CCDC97: variants seen among roughly 807,000 people sequenced by gnomAD.
CCDC97 encodes coiled-coil domain-containing protein 97.
In CCDC97, 27 loss-of-function variants were observed where a neutral mutation model predicts 33.9. The ratio of observed to expected loss-of-function variants is 0.80; its 90% CI spans 0.59 to 1.10. The LOEUF is 1.10. CCDC97 is among the 50% of genes least tolerant of loss of function. The pLI, the probability that CCDC97 is intolerant of heterozygous loss-of-function variation, is 0.00. For missense variants in CCDC97, 422 were observed against 476.6 expected (o/e 0.89, Z 1.07); for synonymous variants, 217 against 194.0 (o/e 1.12, Z -0.99).
chr19:41,321,924 C>T (rs774072732), intron 4 of CCDC97, among the ~76,000 whole-genome samples: 3 of 152,192 alleles, frequency 2.0e-5, no homozygotes, highest in African/African-American at 7.2e-5. Flanking sequence ...TCTGGCTAAT[C>T]CCGGCCTCTA....
intron 2 of CCDC97, 146 bp downstream of exon 2, chr19:41,316,985 C>T: frequency 1.5e-6 from 1 of 657,716 alleles, no homozygotes. Context: ...CAGGAAGAGA[C>T]TGAGACAGAA....
Position 41,322,998 on chromosome 19 carries a change from A to T in CCDC97, c.*283A>T. On this transcript the variant is annotated 3_prime_UTR_variant, in exon 5 of 5. Transcript: ENST00000269967. Reference sequence around the variant, plus strand: ...TTTCTGTCTTTCTGTCTCTCTCCCTACCCCCGCTCCCTCTTTCCAGTGCTC... The same window carrying T: ...TTTCTGTCTTTCTGTCTCTCTCCCTTCCCCCGCTCCCTCTTTCCAGTGCTC... 4.7e-6 allele frequency: 1 copy of T among 211,210 alleles called. No homozygotes were observed. The highest frequency in any genetic ancestry group is 9.4e-6 in the Non-Finnish European group (1 of 106,736). 13.1% of individuals were successfully genotyped at this position (211,210 alleles called of 1,614,324 possible).
Position 41,310,305 on chromosome 19 carries a change from A to C in CCDC97, c.-6A>C. 1.2e-6 allele frequency: 2 copies of C among 1,602,002 alleles called. No homozygotes were observed. Among genetic ancestry groups the C allele is most frequent in the Non-Finnish European group, 1.7e-6 (2 of 1,174,544 alleles). Reference sequence around the variant, plus strand: ...CCGGGCGGTTGAAAAGTCCGAGAGAATCAGGATGGAGGCCGTGGCGACGGC... The same window carrying C: ...CCGGGCGGTTGAAAAGTCCGAGAGACTCAGGATGGAGGCCGTGGCGACGGC... On this transcript the variant is annotated 5_prime_UTR_variant, in exon 1 of 5. Transcript: ENST00000269967.
intron 4 of CCDC97, among the ~76,000 whole-genome samples, chr19:41,322,197 G>A (rs1038875178): frequency 3.9e-5 from 6 of 152,144 alleles, no homozygotes; most frequent in Admixed American, 3.9e-4. Flanking sequence ...GGCCTGAAGT[G>A]AGCCTCCCGC....
chr19:41,313,046 A>C (rs966048242), intron 1 of CCDC97, among the ~76,000 whole-genome samples: 4 of 152,158 alleles, frequency 2.6e-5, no homozygotes, highest in Admixed American at 6.5e-5. Flanking sequence ...TGCTGGGATT[A>C]CAGGGGTGAG....
Position 41,322,754 on chromosome 19 carries a change from C to T in CCDC97, c.*39C>T. 1 of 1,602,826 alleles carries T rather than the reference C, an allele frequency of 6.2e-7. No homozygotes were observed. Among genetic ancestry groups the T allele is most frequent in the Non-Finnish European group, 8.5e-7 (1 of 1,173,794 alleles). On this transcript the variant is annotated 3_prime_UTR_variant, in exon 5 of 5. Coordinates refer to ENST00000269967, the MANE Select transcript of CCDC97 (RefSeq NM_052848.3). ...TCCCACCGCCTGCCCCATCCCCATC[C>T]CCAACAAGGCAGCTGATTCCAGGCC...
chr19:41,313,218 C>T (rs1289575510), intron 1 of CCDC97, among the ~76,000 whole-genome samples: 1 of 152,158 alleles, frequency 6.6e-6, no homozygotes, highest in African/African-American at 2.4e-5. Context: ...TCTCCCACTC[C>T]CCTGTGCCCT....
intron 1 of CCDC97, chr19:41,310,891 G>T: frequency 1.0e-6 from 1 of 987,614 alleles, no homozygotes; most frequent in Non-Finnish European, 1.2e-6. Flanking sequence ...CTCAATTTCT[G>T]TGCTTTCCCA....
chr19:41,320,267 C>T, intron 3 of CCDC97, 74 bp from the exon 4 acceptor site: 1 of 1,577,522 alleles, frequency 6.3e-7, no homozygotes, highest in African/African-American at 1.3e-5. Context: ...GGAGCAGCAG[C>T]TCTCTGTGGA....
At chr19:41,311,268 G>A (rs1381998841) in intron 1 of CCDC97, among the ~76,000 whole-genome samples, 1 of 151,890 alleles carries the variant, frequency 6.6e-6, no homozygotes, top group African/African-American at 2.4e-5. Flanking sequence ...GGAGTAGCTA[G>A]GACAAGCTAC....
rs2037866847 is a variant in CCDC97, at chr19:41,324,872, T to C, written c.*2157T>C. 1.3e-5 allele frequency: 2 copies of C among 152,260 alleles called. No individual in the cohort carries two copies. The highest frequency in any genetic ancestry group is 2.9e-5 in the Non-Finnish European group (2 of 68,046). 9.4% of individuals were successfully genotyped at this position (152,260 alleles called of 1,614,324 possible). ...TTGGTCATTAAATTTGTTTACAATATACTTTGCTATACGTAAATTTGTTGT... is the reference window on the plus strand; with the variant it reads ...TTGGTCATTAAATTTGTTTACAATACACTTTGCTATACGTAAATTTGTTGT... On this transcript the variant is annotated 3_prime_UTR_variant, in exon 5 of 5. Transcript: ENST00000269967.
At chr19:41,322,035 G>A (rs899527147) in intron 4 of CCDC97, among the ~76,000 whole-genome samples, 1 of 152,232 alleles carries the variant, frequency 6.6e-6, no homozygotes, top group Non-Finnish European at 1.5e-5. Context: ...GAGAGCCACT[G>A]CCTGCTTGAG....
rs927774696 is a variant in CCDC97, at chr19:41,318,294, C to CA, written c.503-1272dup. Reference sequence around the variant, plus strand: ...TGAAACCCCGGCTCTACTAAAAATACAAAAAAAATTAGCCAGGCACTGTGG... The same window carrying CA: ...TGAAACCCCGGCTCTACTAAAAATACAAAAAAAAATTAGCCAGGCACTGTGG... On this transcript the variant is annotated intron_variant, in intron 2 of 4. Transcript: ENST00000269967. 5.9e-5 allele frequency among the ~76,000 whole-genome samples: 9 copies of CA among 151,858 alleles called. No homozygotes were observed. In the East Asian group the frequency reaches 7.8e-4, roughly 13 times the overall value.
intron 2 of CCDC97, 97 bp from the exon 3 acceptor site, chr19:41,319,477 T>C (rs2123061436): frequency 1.1e-6 from 1 of 899,294 alleles, no homozygotes; most frequent in South Asian, 1.6e-5. Context: ...GGACTGTGTA[T>C]GCACATCATC....
At chr19:41,321,995 G>A (rs545327535) in intron 4 of CCDC97, among the ~76,000 whole-genome samples, 1 of 152,336 alleles carries the variant, frequency 6.6e-6, no homozygotes, top group Non-Finnish European at 1.5e-5. Flanking sequence ...ATGCCGTGGG[G>A]GCAAAATTAC....
At position 41,322,688 on chromosome 19, in the gene CCDC97, G is replaced by A. The variant is rs143731020; in HGVS notation, c.1005G>A (p.Ala335=). 1.3e-4 allele frequency: 207 copies of A among 1,613,734 alleles called. 1 individual carries two copies. In the African/African-American group the frequency reaches 1.8e-3, roughly 14 times the overall value. ...RYFDEEEPED[A]PSPELDGD Reference sequence around the variant, plus strand: ...TTGATGAGGAAGAACCTGAGGATGCGCCCAGCCCAGAGCTGGATGGGGACT... The same window carrying A: ...TTGATGAGGAAGAACCTGAGGATGCACCCAGCCCAGAGCTGGATGGGGACT... The change falls in exon 5 of 5, where the codon GCG becomes GCA. Residue 335 remains alanine (A), a synonymous_variant. Coordinates refer to ENST00000269967, the MANE Select transcript of CCDC97 (RefSeq NM_052848.3).
At chr19:41,310,400 G>C in intron 1 of CCDC97, 44 bp downstream of exon 1, 1 of 1,575,054 alleles carries the variant, frequency 6.3e-7, no homozygotes, top group South Asian at 1.2e-5. Flanking sequence ...GTGCGGTTGC[G>C]GTGTCTCTAG....
chr19:41,321,084 A>G (rs2037819946), intron 4 of CCDC97, among the ~76,000 whole-genome samples: 1 of 152,250 alleles, frequency 6.6e-6, no homozygotes, highest in South Asian at 2.1e-4. Context: ...TTTCACATCC[A>G]GCCCCGATGA....
rs775546167 is a variant in CCDC97 at position 41,320,427 on chromosome 19, C to T, written c.868C>T (p.His290Tyr). 3.7e-6 allele frequency: 6 copies of T among 1,614,036 alleles called. No homozygotes were observed. Among genetic ancestry groups the T allele is most frequent in the South Asian group, 2.2e-5 (2 of 91,088 alleles). Reference protein sequence around the residue: ...ILREEFTSRMHQRFLDGKDGD... With the variant: ...ILREEFTSRMYQRFLDGKDGD... ...GCGAGAGGAGTTCACCAGCCGCATG[C>T]ACCAGCGCTTCCTAGATGGCAAGGA... is the stretch of plus-strand genomic sequence containing the variant. The change falls in exon 4 of 5, where the codon CAC becomes TAC. Residue 290 changes from histidine to tyrosine, a missense_variant. Physicochemically the swap from His to Tyr is moderately conservative, Grantham distance 83. Transcript: ENST00000269967.
Sources: gnomAD v4.1 joint callset for allele counts (sites outside exome capture counted in the v4.1 genomes callset) on GRCh38, gnomAD v4.1.1 for gene constraint, MANE v1.5 for transcripts, NCBI Gene and HGNC (gene_info 2026-07-23, HGNC 2026-07-21) for gene names.